DPP6: variants seen among roughly 807,000 people sequenced by gnomAD.
The protein encoded by DPP6 is dipeptidyl peptidase like 6.
Under a neutral mutation model 122.6 loss-of-function variants are expected in DPP6, and 69 were observed. The ratio of observed to expected loss-of-function variants is 0.56; its 90% CI spans 0.46 to 0.69. DPP6 has a LOEUF of 0.69. DPP6 is among the 30% of genes least tolerant of loss of function. The pLI is 0.00. For missense variants in DPP6, 928 were observed against 1,116.9 expected, an observed-to-expected ratio of 0.83 and a Z score of 2.41; for synonymous variants, 418 against 433.1, an observed-to-expected ratio of 0.97 and a Z score of 0.43.
At chr7:154,140,064 G>C (rs939651167) in intron 1 of DPP6, among the ~76,000 whole-genome samples, 6 of 152,154 alleles carry the variant, frequency 3.9e-5, no homozygotes, top group African/African-American at 1.4e-4. Context: ...GTCTGATGGG[G>C]GGTAGCTGCT....
chr7:153,761,766 C>T, the DPP6 span, among the ~76,000 whole-genome samples: 1 of 152,204 alleles, frequency 6.6e-6, no homozygotes, highest in Admixed American at 6.5e-5. Context: ...ATTAATTTAT[C>T]CAATGCCGAA....
At chr7:154,699,139 C>T (rs944427887) in intron 7 of DPP6, among the ~76,000 whole-genome samples, 11 of 152,162 alleles carry the variant, frequency 7.2e-5, no homozygotes, top group African/African-American at 2.7e-4. Flanking sequence ...ATCTCATCTG[C>T]TCCAAATACC....
At chr7:154,312,637 T>C (rs7788733) in intron 1 of DPP6, among the ~76,000 whole-genome samples, 30,026 of 152,100 alleles carry the variant, frequency 0.2, 4,100 homozygotes, top group African/African-American at 0.39. Context: ...GAGGGGGCGA[T>C]GGGAGACCAG....
At position 154,761,353 on chromosome 7, in the gene DPP6, C is replaced by A. The variant is rs150875930; in HGVS notation, c.884-8064C>A. On this transcript the variant is annotated intron_variant, in intron 8 of 25. Coordinates refer to ENST00000377770, the MANE Select transcript of DPP6 (RefSeq NM_130797.4). ...GCCTGCTCTGTGTCAGCCAGGACAC[C>A]AAATGTGGCCTCTCCATCTGACCAG... 3.3e-5 allele frequency among the ~76,000 whole-genome samples: 5 copies of A among 152,268 alleles called. No individual in the cohort carries two copies. In the East Asian group the frequency reaches 9.7e-4, roughly 29 times the overall value.
rs566553026 is a variant in DPP6 at position 154,485,504 on chromosome 7, T to C, written c.457+10467T>C. 2.0e-5 allele frequency among the ~76,000 whole-genome samples: 3 copies of C among 152,334 alleles called. No individual in the cohort carries two copies. The East Asian group carries it at 5.8e-4, about 29-fold the overall frequency. On this transcript the variant is annotated intron_variant, in intron 3 of 25. Transcript: ENST00000377770. ...TGTCCATGCCATCACTCCCATTTTT[T>C]CTGCCTAACACAGTTTCAACAGTAT... is the stretch of plus-strand genomic sequence containing the variant.
chr7:154,199,311 G>A (rs550885331), intron 1 of DPP6, among the ~76,000 whole-genome samples: 18 of 152,236 alleles, frequency 1.2e-4, no homozygotes, highest in East Asian at 1.9e-4. Context: ...TTCAGTAGGC[G>A]CTGCTCCTAA....
At chr7:154,172,134 C>A (rs1251404735) in intron 1 of DPP6, among the ~76,000 whole-genome samples, 1 of 121,862 alleles carries the variant, frequency 8.2e-6, no homozygotes, top group Non-Finnish European at 1.7e-5. Context: ...CCCTCCCTCC[C>A]TTCCTTCCTT....
chr7:154,007,795 C>T (rs1797976158), intron 1 of DPP6, among the ~76,000 whole-genome samples: 1 of 152,056 alleles, frequency 6.6e-6, no homozygotes, highest in African/African-American at 2.4e-5. Context: ...GCCAATTCTC[C>T]ACAGATAGTG....
intron 20 of DPP6, among the ~76,000 whole-genome samples, chr7:154,879,586 C>T (rs1202879712): frequency 1.7e-5 from 1 of 59,444 alleles, no homozygotes; most frequent in African/African-American, 9.8e-5. Context: ...GAGACTCCGT[C>T]TCAAAAAAAA....
chr7:154,639,484 A>G (rs936913917), intron 6 of DPP6, among the ~76,000 whole-genome samples: 2 of 152,238 alleles, frequency 1.3e-5, no homozygotes, highest in African/African-American at 4.8e-5. Flanking sequence ...AATTTGTTGT[A>G]GATGATAGAT....
chr7:154,783,850 C>A lies in DPP6; in HGVS notation c.1137-10229C>A, dbSNP rs1797176629. Among the ~76,000 whole-genome samples, 4 of 152,046 alleles carry A rather than the reference C, an allele frequency of 2.6e-5. No individual in the cohort carries two copies. The South Asian group carries it at 8.3e-4, about 31-fold the overall frequency. On this transcript the variant is annotated intron_variant, in intron 10 of 25. Transcript: ENST00000377770. ...GTGAGGAAGAATGGTAAGGCCTGGA[C>A]CTTGTGAGGGAGGAGGCAGGAACCA...
chr7:154,127,727 G>A (rs1162658737), intron 1 of DPP6, among the ~76,000 whole-genome samples: 3 of 151,816 alleles, frequency 2.0e-5, no homozygotes, highest in South Asian at 2.1e-4. Context: ...CAATGGCATC[G>A]TTGCCCAGCG....
intron 1 of DPP6, among the ~76,000 whole-genome samples, chr7:153,963,848 A>G (rs1795486904): frequency 6.6e-6 from 1 of 152,074 alleles, no homozygotes; most frequent in Non-Finnish European, 1.5e-5. Context: ...AAATTTGGGG[A>G]CTGCTGCTGT....
chr7:153,996,328 G>A (rs535196242), intron 1 of DPP6, among the ~76,000 whole-genome samples: 1 of 152,286 alleles, frequency 6.6e-6, no homozygotes, highest in African/African-American at 2.4e-5. Flanking sequence ...ATTTCTTGGA[G>A]GTTTTTATTA....
intron 23 of DPP6, among the ~76,000 whole-genome samples, chr7:154,888,078 G>T (rs1310166375): frequency 1.3e-5 from 2 of 150,500 alleles, no homozygotes; most frequent in African/African-American, 2.5e-5. Flanking sequence ...GCTGCTGGGG[G>T]AGAGTGAGCT....
At chr7:154,719,420 A>G (rs1047491647) in intron 7 of DPP6, among the ~76,000 whole-genome samples, 1 of 152,168 alleles carries the variant, frequency 6.6e-6, no homozygotes, top group African/African-American at 2.4e-5. Flanking sequence ...ACTCAAAGGG[A>G]AAATGACATG....
intron 1 of DPP6, among the ~76,000 whole-genome samples, chr7:153,971,026 A>T (rs1795991069): frequency 6.6e-6 from 1 of 152,210 alleles, no homozygotes; most frequent in East Asian, 1.9e-4. Flanking sequence ...CAGAAAATCC[A>T]CTTAGAATAT....
chr7:154,381,072 G>A (rs1813558576), intron 1 of DPP6, among the ~76,000 whole-genome samples: 1 of 152,120 alleles, frequency 6.6e-6, no homozygotes, highest in Non-Finnish European at 1.5e-5. Flanking sequence ...TCTGCCATGA[G>A]GGGGATCCTG....
chr7:154,206,238 C>A (rs1051630709), intron 1 of DPP6, among the ~76,000 whole-genome samples: 1 of 152,214 alleles, frequency 6.6e-6, no homozygotes, highest in African/African-American at 2.4e-5. Context: ...TCAACCAGCA[C>A]CGTGGCTCTC....
Sources: gnomAD v4.1 joint callset for allele counts (sites outside exome capture counted in the v4.1 genomes callset) on GRCh38, gnomAD v4.1.1 for gene constraint, MANE v1.5 for transcripts, NCBI Gene and HGNC (gene_info 2026-07-23, HGNC 2026-07-21) for gene names.